The following THRB variants were observed in gnomAD, a reference collection of about 807,000 sequenced individuals.
The protein encoded by THRB is thyroid hormone receptor beta, also known as nuclear receptor subfamily 1 group A member 2.
Under a neutral mutation model 47.8 loss-of-function variants are expected in THRB, and 12 were observed. The ratio of observed to expected loss-of-function variants is 0.25; its 90% confidence interval spans 0.16 to 0.41. The LOEUF is 0.41. THRB is among the 10% of genes least tolerant of loss of function. The probability of loss-of-function intolerance (pLI) is 1.00; values close to 1 mark genes in which losing one functional copy is unlikely to be tolerated. For synonymous variants in THRB, 218 were observed against 212.2 expected (o/e 1.03, Z -0.24); for missense variants, 348 against 589.2 (o/e 0.59, Z 4.24).
At chr3:24,247,265 T>C (rs1428241584) in intron 3 of THRB, among the ~76,000 whole-genome samples, 3 of 152,228 alleles carry the variant, frequency 2.0e-5, no homozygotes, top group Admixed American at 1.3e-4. Context: ...AAAGTAAGAA[T>C]AGTAATGATG....
intron 3 of THRB, among the ~76,000 whole-genome samples, chr3:24,232,613 C>G (rs1286103924): frequency 6.6e-6 from 1 of 152,134 alleles, no homozygotes; most frequent in Non-Finnish European, 1.5e-5. Flanking sequence ...TACAGAAAAA[C>G]TGGGTGGTGC....
chr3:24,260,126 A>C (rs1213483965), intron 3 of THRB, among the ~76,000 whole-genome samples: 1 of 152,220 alleles, frequency 6.6e-6, no homozygotes, highest in Non-Finnish European at 1.5e-5. Flanking sequence ...ATGTAAATGG[A>C]ATTATATAAT....
chr3:24,228,953 G>C lies in THRB; in HGVS notation c.7C>G (p.Pro3Ala). Residue 3 changes from proline to alanine, a missense_variant, in exon 4 of 11, where the codon CCC becomes GCC. Physicochemically the swap from Pro to Ala is conservative, Grantham distance 27. This residue lies in a region of THRB where 148 missense variants were observed against 122.3 expected (regional missense o/e 1.21). Coordinates refer to ENST00000646209, the MANE Select transcript of THRB (RefSeq NM_001354712.2). ...AAAAAGATACCTGTCATACTGTTGG[G>C]AGTCATAGGTTAGTAATCATTCTGG... MT[P>A]NSMTENGLTA... 6.2e-7 allele frequency: 1 copy of C among 1,612,532 alleles called. No homozygotes were observed. The highest frequency in any genetic ancestry group is 8.5e-7 in the Non-Finnish European group (1 of 1,179,236).
chr3:24,236,959 A>G lies in THRB; in HGVS notation c.-42-7958T>C, dbSNP rs546439277. ...AACAGAGGCAAGGTGTTTTCAAATC[A>G]TACCACGCTGTGATCCACCTTTTGT... On this transcript the variant is annotated intron_variant, in intron 3 of 10. Coordinates refer to ENST00000646209, the MANE Select transcript of THRB (RefSeq NM_001354712.2). Among the ~76,000 whole-genome samples the G allele has an allele frequency of 2.6e-5, 4 of 152,358 alleles. No individual in the cohort carries two copies. In the South Asian group the frequency reaches 8.3e-4, roughly 32 times the overall value.
At chr3:24,284,750 C>A (rs924891556) in intron 3 of THRB, among the ~76,000 whole-genome samples, 223 of 149,822 alleles carry the variant, frequency 1.5e-3, no homozygotes, top group Non-Finnish European at 4.1e-4. Flanking sequence ...AAACAAACAA[C>A]CCCATCAAAA....
intron 1 of THRB, among the ~76,000 whole-genome samples, chr3:24,447,975 C>T (rs1292462034): frequency 1.3e-5 from 2 of 152,016 alleles, no homozygotes; most frequent in Non-Finnish European, 2.9e-5. Context: ...TTATGAAGTA[C>T]CTTCCTGCCC....
In THRB at chr3:24,221,900, A is replaced by C. The variant is rs189755168; in HGVS notation, c.22+7038T>G. On this transcript the variant is annotated intron_variant, in intron 4 of 10. Coordinates refer to ENST00000646209, the MANE Select transcript of THRB (RefSeq NM_001354712.2). Reference sequence around the variant, plus strand: ...TGTAGTAAGTTTCTCTTCCAAGAGAAGCTCAGGAAGTTAAACAGGAGGGAT... The same window carrying C: ...TGTAGTAAGTTTCTCTTCCAAGAGACGCTCAGGAAGTTAAACAGGAGGGAT... Among the ~76,000 whole-genome samples, 280 of 152,292 alleles carry C rather than the reference A, an allele frequency of 1.8e-3. 1 individual carries two copies. Among genetic ancestry groups the C allele is most frequent in the African/African-American group, 6.4e-3 (266 of 41,564 alleles).
intron 1 of THRB, among the ~76,000 whole-genome samples, chr3:24,479,259 G>T (rs550644195): frequency 6.6e-6 from 1 of 152,208 alleles, no homozygotes; most frequent in African/African-American, 2.4e-5. Context: ...CTGAGATTGC[G>T]CCACCGCACT....
chr3:24,495,673 T>A (rs1034493055), upstream of THRB: 7 of 151,584 alleles, frequency 4.6e-5, no homozygotes, highest in African/African-American at 1.7e-4. Context: ...GGAGGGCGAG[T>A]CTTCCAGGAG....
intron 1 of THRB, among the ~76,000 whole-genome samples, chr3:24,469,882 A>C (rs983183009): frequency 6.6e-5 from 10 of 152,220 alleles, no homozygotes; most frequent in African/African-American, 2.2e-4. Context: ...TCAAGTGAGC[A>C]AAGGGAAACA....
At chr3:24,235,839 G>A (rs2048804993) in intron 3 of THRB, among the ~76,000 whole-genome samples, 1 of 152,138 alleles carries the variant, frequency 6.6e-6, no homozygotes, top group Non-Finnish European at 1.5e-5. Context: ...TGTAAGAGGG[G>A]GGCATAGCTT....
intron 1 of THRB, among the ~76,000 whole-genome samples, chr3:24,452,060 C>T (rs1007648458): frequency 5.3e-5 from 8 of 152,134 alleles, no homozygotes; most frequent in African/African-American, 1.7e-4. Flanking sequence ...TGAGGACTAG[C>T]CCTTAGCTAA....
chr3:24,490,700 C>T (rs949397761), intron 1 of THRB, among the ~76,000 whole-genome samples: 1 of 151,938 alleles, frequency 6.6e-6, no homozygotes, highest in Non-Finnish European at 1.5e-5. Flanking sequence ...GTTGTCCTGT[C>T]CTCTCAAATT....
chr3:24,240,231 G>C (rs575933679), intron 3 of THRB, among the ~76,000 whole-genome samples: 1 of 152,108 alleles, frequency 6.6e-6, no homozygotes, highest in Non-Finnish European at 1.5e-5. Context: ...CAAGTGAGTC[G>C]GCCTGGCTTA....
At chr3:24,360,910 T>C (rs1404517416) in intron 1 of THRB, among the ~76,000 whole-genome samples, 1 of 152,122 alleles carries the variant, frequency 6.6e-6, no homozygotes, top group Non-Finnish European at 1.5e-5. Flanking sequence ...TGGTCTGTGG[T>C]GGGGCTCGAA....
chr3:24,222,408 G>T (rs1257246289), intron 4 of THRB, among the ~76,000 whole-genome samples: 1 of 152,136 alleles, frequency 6.6e-6, no homozygotes, highest in Non-Finnish European at 1.5e-5. Flanking sequence ...CTTGAAGGTG[G>T]AGGTAGTAGT....
intron 1 of THRB, among the ~76,000 whole-genome samples, chr3:24,352,302 C>T (rs995677478): frequency 4.6e-5 from 7 of 152,108 alleles, no homozygotes; most frequent in Admixed American, 2.6e-4. Flanking sequence ...GGGCAAGCTG[C>T]CATTCTGGCT....
chr3:24,380,244 A>G (rs1465012650), intron 1 of THRB, among the ~76,000 whole-genome samples: 2 of 150,960 alleles, frequency 1.3e-5, no homozygotes, highest in Admixed American at 6.6e-5. Context: ...TTAAACATAA[A>G]GTGTAAGCTT....
intron 3 of THRB, among the ~76,000 whole-genome samples, chr3:24,264,008 C>G (rs1310432033): frequency 6.6e-6 from 1 of 152,138 alleles, no homozygotes; most frequent in Non-Finnish European, 1.5e-5. Flanking sequence ...TTATGTCTTA[C>G]TGACATTAAT....
Sources: gnomAD v4.1 joint callset for allele counts (sites outside exome capture counted in the v4.1 genomes callset) on GRCh38, gnomAD v4.1.1 for gene constraint, gnomAD v4.1.1 regional missense constraint, MANE v1.5 for transcripts, NCBI Gene and HGNC (gene_info 2026-07-23, HGNC 2026-07-21) for gene names.